FOXP1: variants seen among roughly 807,000 people sequenced by gnomAD.
FOXP1 encodes forkhead box protein P1.
A neutral mutation model predicts 98.2 loss-of-function variants in FOXP1; 15 were observed. The observed-to-expected ratio is 0.15, with a 90% CI of 0.10 to 0.24. The LOEUF is 0.24. Among genes scored for constraint, FOXP1 ranks in the 10% least tolerant of loss-of-function variants. The pLI is 1.00. For missense variants in FOXP1, 633 were observed against 848.5 expected, an observed-to-expected ratio of 0.75 and a Z score of 3.15; for synonymous variants, 371 against 314.5, an observed-to-expected ratio of 1.18 and a Z score of -1.90.
intron 3 of FOXP1, among the ~76,000 whole-genome samples, chr3:71,445,921 A>G (rs549384328): frequency 6.6e-6 from 1 of 152,302 alleles, no homozygotes; most frequent in Admixed American, 6.5e-5. Flanking sequence ...TCCTGCCGTC[A>G]GGTGATCCGC....
intron 5 of FOXP1, among the ~76,000 whole-genome samples, chr3:71,282,173 A>C (rs1258467706): frequency 6.6e-6 from 1 of 152,062 alleles, no homozygotes; most frequent in African/African-American, 2.4e-5. Flanking sequence ...ACCACACCTT[A>C]CTCTCTGGTG....
intron 5 of FOXP1, among the ~76,000 whole-genome samples, chr3:71,287,278 C>T (rs1323920117): frequency 6.6e-6 from 1 of 152,040 alleles, no homozygotes; most frequent in East Asian, 1.9e-4. Flanking sequence ...TTAAGACCAG[C>T]CTGGGGAAAA....
intron 5 of FOXP1, among the ~76,000 whole-genome samples, chr3:71,263,426 A>G (rs981940569): frequency 6.6e-6 from 1 of 152,178 alleles, no homozygotes; most frequent in African/African-American, 2.4e-5. Flanking sequence ...TTTGCTGTCT[A>G]CTCAGGCTGG....
chr3:71,101,399 C>T (rs1357755097), intron 7 of FOXP1, among the ~76,000 whole-genome samples: 1 of 152,060 alleles, frequency 6.6e-6, no homozygotes, highest in East Asian at 1.9e-4. Context: ...ATCAAAGAAA[C>T]TGAACTTGGG....
chr3:71,326,186 C>T (rs761904666), intron 4 of FOXP1, among the ~76,000 whole-genome samples: 3 of 152,158 alleles, frequency 2.0e-5, no homozygotes, highest in Non-Finnish European at 2.9e-5. Context: ...TATGCCATTA[C>T]CCTCTTCTTC....
rs569167023 is a variant in FOXP1 at position 71,291,419 on chromosome 3, T to C, written c.-12+8401A>G. Among the ~76,000 whole-genome samples, 6 of 152,348 alleles carry C rather than the reference T, an allele frequency of 3.9e-5. No individual in the cohort carries two copies. The East Asian group carries it at 9.6e-4, about 24-fold the overall frequency. On this transcript the variant is annotated intron_variant, in intron 5 of 20. Coordinates refer to ENST00000649528, the MANE Select transcript of FOXP1 (RefSeq NM_001349338.3). ...TTGAAATACTTTGTAGATTTTACAC[T>C]GCACATCCAAGTTTGGGCTAATCAC...
chr3:71,337,955 G>T, intron 4 of FOXP1, among the ~76,000 whole-genome samples: 1 of 152,276 alleles, frequency 6.6e-6, no homozygotes, highest in African/African-American at 2.4e-5. Context: ...GGAAGCGCTC[G>T]TTTCACAGGG....
intron 3 of FOXP1, among the ~76,000 whole-genome samples, chr3:71,465,813 C>T (rs2088655783): frequency 6.6e-6 from 1 of 152,202 alleles, no homozygotes; most frequent in Admixed American, 6.5e-5. Context: ...GCAAGCATTA[C>T]AGCCTGAGCT....
chr3:71,579,251 C>G (rs142040412), intron 2 of FOXP1, among the ~76,000 whole-genome samples: 4 of 152,132 alleles, frequency 2.6e-5, no homozygotes, highest in African/African-American at 9.6e-5. Flanking sequence ...AAGTGTTACA[C>G]AGTTTATACT....
chr3:71,204,240 T>C (rs1380700347), intron 5 of FOXP1, among the ~76,000 whole-genome samples: 1 of 152,182 alleles, frequency 6.6e-6, no homozygotes, highest in Non-Finnish European at 1.5e-5. Context: ...TATATTATGA[T>C]ATAAAGCATA....
chr3:71,370,327 T>C (rs1488480713), intron 3 of FOXP1, among the ~76,000 whole-genome samples: 1 of 152,140 alleles, frequency 6.6e-6, no homozygotes. Context: ...TTTCTATCAG[T>C]GACAGGGAGA....
At chr3:70,976,856 C>A in intron 17 of FOXP1, 85 bp downstream of exon 17, 3 of 958,930 alleles carry the variant, frequency 3.1e-6, no homozygotes, top group Non-Finnish European at 3.4e-6. Flanking sequence ...AATGTAGCTT[C>A]CTTATAGCAC....
At chr3:71,267,116 TGG>T (rs1218545430) in intron 5 of FOXP1, among the ~76,000 whole-genome samples, 1 of 91,110 alleles carries the variant, frequency 1.1e-5, no homozygotes, top group Non-Finnish European at 2.0e-5. Context: ...CTGCATTTTA[TGG>T]GAGAGAGTGT....
At chr3:71,176,372 C>A (rs535661142) in intron 6 of FOXP1, among the ~76,000 whole-genome samples, 2 of 152,284 alleles carry the variant, frequency 1.3e-5, no homozygotes, top group South Asian at 2.1e-4. Context: ...TTATGTGCAG[C>A]CTTATTAATA....
chr3:71,345,496 G>A (rs2077280658), intron 4 of FOXP1, among the ~76,000 whole-genome samples: 1 of 150,990 alleles, frequency 6.6e-6, no homozygotes, highest in Non-Finnish European at 1.5e-5. Flanking sequence ...TTGAAAAGAT[G>A]CCTTTAGCTT....
intron 3 of FOXP1, among the ~76,000 whole-genome samples, chr3:71,397,088 A>ATATATATATACATATATATGTG (rs2081567069): frequency 0.027 from 176 of 6,480 alleles, 24 homozygotes; most frequent in African/African-American, 0.094. Context: ...ATATATGTGT[A>ATATATATATACATATATATGTG]TATATATATA....
chr3:70,999,024 T>C (rs1480205564), intron 13 of FOXP1, among the ~76,000 whole-genome samples: 3 of 152,226 alleles, frequency 2.0e-5, no homozygotes, highest in African/African-American at 7.2e-5. Flanking sequence ...TATAAATAAA[T>C]GCAGGAGCTC....
At chr3:71,463,293 G>A (rs1337535164) in intron 3 of FOXP1, among the ~76,000 whole-genome samples, 2 of 150,632 alleles carry the variant, frequency 1.3e-5, no homozygotes, top group African/African-American at 4.9e-5. Flanking sequence ...GAACCCGGGA[G>A]GCGGAGGTTG....
intron 2 of FOXP1, among the ~76,000 whole-genome samples, chr3:71,549,659 G>C (rs543882367): frequency 6.6e-6 from 1 of 152,274 alleles, no homozygotes; most frequent in South Asian, 2.1e-4. Context: ...ACAGGCATGA[G>C]CCACCACACC....
Sources: allele counts gnomAD v4.1 joint callset (sites outside exome capture counted in the v4.1 genomes callset), GRCh38; gene constraint gnomAD v4.1.1; transcripts MANE v1.5; gene names NCBI Gene and HGNC (gene_info 2026-07-23, HGNC 2026-07-21).